SULT1C3: variants seen among roughly 807,000 people sequenced by gnomAD.
The protein encoded by SULT1C3 is sulfotransferase family 1C member 3, also known as sulfotransferase 1C3.
A neutral mutation model predicts 28.4 loss-of-function variants in SULT1C3; 31 were observed. The observed-to-expected ratio is 1.09, with a 90% confidence interval of 0.82 to 1.47. SULT1C3 has a LOEUF of 1.47. SULT1C3 is among the 40% of genes most tolerant of loss of function. SULT1C3 has a pLI of 0.00. For synonymous variants in SULT1C3, 106 were observed against 92.2 expected (o/e 1.15, Z -0.86); for missense variants, 307 against 272.5 (o/e 1.13, Z -0.89).
chr2:108,248,393 C>A (rs1342052848), intron 2 of SULT1C3, among the ~76,000 whole-genome samples: 2 of 152,238 alleles, frequency 1.3e-5, no homozygotes, highest in East Asian at 3.9e-4. Context: ...TTGTCTCAAT[C>A]CTCAGACTGA....
chr2:108,255,302 T>C (rs1208814621), intron 4 of SULT1C3, among the ~76,000 whole-genome samples: 1 of 151,936 alleles, frequency 6.6e-6, no homozygotes, highest in Non-Finnish European at 1.5e-5. Flanking sequence ...GCTGTCCTAA[T>C]AATGTGTTCA....
At chr2:108,261,276 A>T (rs1162361699), downstream of SULT1C3, among the ~76,000 whole-genome samples, 1 of 152,132 alleles carries the variant, frequency 6.6e-6, no homozygotes, top group Non-Finnish European at 1.5e-5. Context: ...TTTGAGTTGG[A>T]GAAATTAGTC....
At chr2:108,245,776 G>T (rs1675564163) in intron 1 of SULT1C3, among the ~76,000 whole-genome samples, 1 of 152,102 alleles carries the variant, frequency 6.6e-6, no homozygotes, top group African/African-American at 2.4e-5. Context: ...TTAACAATCA[G>T]CTCCTCATTA....
At chr2:108,261,082 A>G (rs1476620170), downstream of SULT1C3, among the ~76,000 whole-genome samples, 2 of 152,202 alleles carry the variant, frequency 1.3e-5, no homozygotes, top group East Asian at 3.9e-4. Flanking sequence ...CTTGAAGTGT[A>G]CATTCTATAC....
chr2:108,245,941 T>C (rs1675567083), intron 1 of SULT1C3, among the ~76,000 whole-genome samples: 1 of 152,222 alleles, frequency 6.6e-6, no homozygotes, highest in South Asian at 2.1e-4. Flanking sequence ...ACCTCTGGAA[T>C]TATTTGATGC....
At chr2:108,252,332 C>T in intron 2 of SULT1C3, 33 bp from the exon 3 acceptor site, 1 of 1,572,046 alleles carries the variant, frequency 6.4e-7, no homozygotes, top group Non-Finnish European at 8.6e-7. Flanking sequence ...GTTCAATTGA[C>T]TAAAATTAAA....
At chr2:108,258,023 G>A (rs6761290) in intron 5 of SULT1C3, among the ~76,000 whole-genome samples, 9,396 of 152,132 alleles carry the variant, frequency 0.062, 319 homozygotes, top group African/African-American at 0.073. Flanking sequence ...TTCCTCTGGA[G>A]AATGTTTTCC....
intron 5 of SULT1C3, 65 bp from the exon 6 acceptor site, chr2:108,258,669 A>T (rs1037163766): frequency 1.7e-6 from 2 of 1,202,108 alleles, no homozygotes; most frequent in Non-Finnish European, 2.4e-6. Flanking sequence ...AGGAGCACTA[A>T]TTTACTTTAT....
chr2:108,242,257 T>C (rs1287927650), intron 1 of SULT1C3, among the ~76,000 whole-genome samples: 2 of 152,256 alleles, frequency 1.3e-5, no homozygotes, highest in Non-Finnish European at 2.9e-5. Flanking sequence ...TATTTTTCTT[T>C]AAGCCAATCA....
rs534233229 is a variant in SULT1C3 at position 108,243,502 on chromosome 2, G to A, written c.-8+3419G>A. Among the ~76,000 whole-genome samples the A allele has an allele frequency of 1.1e-4, 17 of 152,006 alleles. No individual in the cohort carries two copies. The East Asian group carries it at 2.3e-3, about 21-fold the overall frequency. On this transcript the variant is annotated intron_variant, in intron 1 of 7. Transcript: ENST00000681802. The stretch of plus-strand genomic sequence containing the variant: ...AAAAATTAGCCGGGAGTGGTGGTGG[G>A]TGCCTGTAGTCCCAGCTACTTGGGA...
At chr2:108,256,458 A>G (rs1023653057) in intron 5 of SULT1C3, among the ~76,000 whole-genome samples, 19 of 152,116 alleles carry the variant, frequency 1.2e-4, no homozygotes, top group African/African-American at 4.3e-4. Context: ...ATAGTATTTC[A>G]TTATAACTGC....
downstream of SULT1C3, among the ~76,000 whole-genome samples, chr2:108,263,465 C>A (rs917869311): frequency 4.6e-5 from 7 of 152,090 alleles, no homozygotes; most frequent in Non-Finnish European, 7.4e-5. Context: ...TCTTATCATG[C>A]TAGTATATTT....
chr2:108,257,682 G>A (rs1675908578), intron 5 of SULT1C3, among the ~76,000 whole-genome samples: 1 of 151,900 alleles, frequency 6.6e-6, no homozygotes, highest in South Asian at 2.1e-4. Flanking sequence ...TAGTTTTGTT[G>A]TAATTCACTC....
chr2:108,247,917 G>A (rs1444674055), intron 2 of SULT1C3, among the ~76,000 whole-genome samples: 4 of 152,070 alleles, frequency 2.6e-5, no homozygotes, highest in African/African-American at 9.7e-5. Flanking sequence ...ACACATGCTA[G>A]AGTCAATGGG....
At position 108,260,643 on chromosome 2, in the gene SULT1C3, T is replaced by C. The variant is rs770453353; in HGVS notation, c.878T>C (p.Met293Thr). 6.2e-6 allele frequency: 3 copies of C among 484,170 alleles called. No individual in the cohort carries two copies. Among genetic ancestry groups the C allele is most frequent in the South Asian group, 4.5e-5 (3 of 66,426 alleles). 30.0% of individuals were successfully genotyped at this position (484,170 alleles called of 1,614,324 possible). A position where few individuals can be genotyped will look rare whatever the true frequency, so the allele number is the denominator to read the frequency against. The change falls in exon 8 of 8, where the codon ATG becomes ACG. Residue 293 changes from methionine to threonine, a missense_variant. Physicochemically the swap from Met to Thr is moderately conservative, Grantham distance 81. Transcript: ENST00000681802. The stretch of plus-strand genomic sequence containing the variant: ...TTTGATAAGCATTATGAAAAGAAGA[T>C]GGCAGGGTCCACACTGAACTTCTGC... ...ENFDKHYEKK[M>T]AGSTLNFCLE...
chr2:108,262,753 A>G (rs944458994), downstream of SULT1C3, among the ~76,000 whole-genome samples: 1 of 152,186 alleles, frequency 6.6e-6, no homozygotes, highest in African/African-American at 2.4e-5. Flanking sequence ...GGCCTCCCCT[A>G]GAACTTTCCC....
intron 1 of SULT1C3, among the ~76,000 whole-genome samples, 48 bp downstream of exon 1, chr2:108,240,131 C>G (rs529600174): frequency 1.3e-5 from 2 of 152,320 alleles, no homozygotes; most frequent in East Asian, 3.9e-4. Flanking sequence ...CTGACGACCA[C>G]CAGGCCCTGG....
chr2:108,247,410 A>C, intron 2 of SULT1C3, 44 bp downstream of exon 2: 1 of 1,447,500 alleles, frequency 6.9e-7, no homozygotes, highest in Non-Finnish European at 9.2e-7. Context: ...TTTCACGTGA[A>C]ATTATTGCAT....
downstream of SULT1C3, chr2:108,265,062 G>T: frequency 2.6e-6 from 4 of 1,534,100 alleles, no homozygotes; most frequent in Non-Finnish European, 3.5e-6. Flanking sequence ...CCCATGGTCT[G>T]CTTAGATTTT....
Sources: allele counts gnomAD v4.1 joint callset (sites outside exome capture counted in the v4.1 genomes callset), GRCh38; gene constraint gnomAD v4.1.1; transcripts MANE v1.5; gene names NCBI Gene and HGNC (gene_info 2026-07-23, HGNC 2026-07-21).